UNC5C: variants seen among roughly 807,000 people sequenced by gnomAD.
The protein encoded by UNC5C is unc-5 netrin receptor C.
UNC5C carries 47 observed loss-of-function variants against 99.8 expected under a neutral mutation model. The ratio of observed to expected loss-of-function variants is 0.47; its 90% CI spans 0.37 to 0.60. The LOEUF (loss-of-function observed/expected upper bound fraction) is 0.60, where lower values mean the gene tolerates loss of function less well. Ranked by LOEUF, UNC5C falls within the 20% of genes least tolerant of loss-of-function variation. The pLI, the probability that UNC5C is intolerant of heterozygous loss-of-function variation, is 0.00. For missense variants in UNC5C, 1,062 were observed against 1,165.9 expected (o/e 0.91, Z 1.30); for synonymous variants, 487 against 452.2 (o/e 1.08, Z -0.98).
chr4:95,516,605 A>T (rs527610143), intron 1 of UNC5C, among the ~76,000 whole-genome samples: 1 of 152,266 alleles, frequency 6.6e-6, no homozygotes, highest in African/African-American at 2.4e-5. Flanking sequence ...TTCATAGTGG[A>T]CGCTGGAGCC....
At chr4:95,534,732 C>A (rs1226609959) in intron 1 of UNC5C, among the ~76,000 whole-genome samples, 1 of 152,074 alleles carries the variant, frequency 6.6e-6, no homozygotes, top group African/African-American at 2.4e-5. Flanking sequence ...TTATTAAATG[C>A]AATATGTGTC....
At chr4:95,481,390 C>A (rs1408526181) in intron 1 of UNC5C, among the ~76,000 whole-genome samples, 2 of 151,884 alleles carry the variant, frequency 1.3e-5, no homozygotes, top group Non-Finnish European at 2.9e-5. Flanking sequence ...ACATTCCATG[C>A]TCATGGGTAG....
chr4:95,236,084 G>A (rs906140171), intron 7 of UNC5C, among the ~76,000 whole-genome samples: 1 of 152,112 alleles, frequency 6.6e-6, no homozygotes, highest in African/African-American at 2.4e-5. Flanking sequence ...CCATTACTGG[G>A]TATATACCCA....
chr4:95,411,008 A>G (rs1745970728), intron 1 of UNC5C, among the ~76,000 whole-genome samples: 2 of 152,136 alleles, frequency 1.3e-5, no homozygotes, highest in African/African-American at 4.8e-5. Context: ...AAACTGGCAA[A>G]TGCTTGGTTT....
chr4:95,244,981 G>T lies in UNC5C; in HGVS notation c.939C>A (p.Cys313Ter). Residue 313 changes from cysteine (C) to a stop codon, truncating the protein, a stop_gained, in exon 6 of 16, where the codon TGC (cysteine) becomes TGA (stop). Coordinates refer to ENST00000453304, the MANE Select transcript of UNC5C (RefSeq NM_003728.4). LOFTEE classifies it high-confidence loss of function. ...TGAGAGGACTGGTTTATTTACCTGG[G>T]CATAACGTAGTACAGGCTATTTTCT... ...SVQKIACTTL[C>*]PVDGRWTPWS... 1 of 1,613,724 alleles carries T rather than the reference G, an allele frequency of 6.2e-7. No individual in the cohort carries two copies. Among genetic ancestry groups the T allele is most frequent in the Non-Finnish European group, 8.5e-7 (1 of 1,179,904 alleles).
intron 7 of UNC5C, among the ~76,000 whole-genome samples, chr4:95,229,668 G>A (rs941152803): frequency 1.3e-5 from 2 of 151,968 alleles, no homozygotes; most frequent in Non-Finnish European, 2.9e-5. Context: ...GGGTCAAATG[G>A]TATTTCTGGT....
At chr4:95,171,848 C>A (rs1391751895) in intron 14 of UNC5C, among the ~76,000 whole-genome samples, 1 of 151,952 alleles carries the variant, frequency 6.6e-6, no homozygotes, top group African/African-American at 2.4e-5. Flanking sequence ...AGTTTACAGT[C>A]CCACCAACAG....
chr4:95,302,248 C>T (rs1003924145), intron 2 of UNC5C, among the ~76,000 whole-genome samples: 1 of 152,142 alleles, frequency 6.6e-6, no homozygotes, highest in African/African-American at 2.4e-5. Context: ...CAGATACTAA[C>T]CTTTGTTAAC....
intron 1 of UNC5C, among the ~76,000 whole-genome samples, chr4:95,492,704 C>A (rs1263208035): frequency 2.6e-5 from 4 of 151,392 alleles, no homozygotes; most frequent in Admixed American, 2.0e-4. Context: ...AATGGAGAGG[C>A]CTGCTGTGAT....
intron 1 of UNC5C, among the ~76,000 whole-genome samples, chr4:95,347,503 A>C (rs1743820559): frequency 6.6e-6 from 1 of 152,162 alleles, no homozygotes; most frequent in Non-Finnish European, 1.5e-5. Flanking sequence ...CCTGATTTCA[A>C]ATTATACTAT....
At chr4:95,227,325 ATT>A (rs946722949) in intron 7 of UNC5C, among the ~76,000 whole-genome samples, 2 of 151,190 alleles carry the variant, frequency 1.3e-5, no homozygotes, top group Non-Finnish European at 2.9e-5. Context: ...TATTTAAAAA[ATT>A]TTTTTTGTAG....
In UNC5C at chr4:95,282,351, G is replaced by A. The variant is rs575999400; in HGVS notation, c.491-3989C>T. ...TGGTCTGGGAAGTTTAGGAGTGACC[G>A]GGAGCAGAAACCAAGTTGTGATGAG... On this transcript the variant is annotated intron_variant, in intron 3 of 15. Transcript: ENST00000453304. 6.6e-5 allele frequency among the ~76,000 whole-genome samples: 10 copies of A among 152,226 alleles called. No individual in the cohort carries two copies. In the East Asian group the frequency reaches 1.2e-3, roughly 18 times the overall value.
chr4:95,252,785 T>C (rs1326510845), intron 4 of UNC5C, among the ~76,000 whole-genome samples: 1 of 152,190 alleles, frequency 6.6e-6, no homozygotes. Context: ...ACACACAGTT[T>C]ATTCAGCATC....
chr4:95,381,041 G>C (rs1183023756), intron 1 of UNC5C, among the ~76,000 whole-genome samples: 1 of 152,094 alleles, frequency 6.6e-6, no homozygotes, highest in Non-Finnish European at 1.5e-5. Flanking sequence ...AACGTATTTA[G>C]GATTTAATAT....
intron 1 of UNC5C, among the ~76,000 whole-genome samples, chr4:95,442,206 T>A (rs1746968545): frequency 6.6e-6 from 1 of 151,934 alleles, no homozygotes; most frequent in South Asian, 2.1e-4. Context: ...TGTTTGTTTA[T>A]TTGTTTGTTT....
At chr4:95,211,987 T>C (rs954926795) in intron 10 of UNC5C, among the ~76,000 whole-genome samples, 2 of 152,202 alleles carry the variant, frequency 1.3e-5, no homozygotes, top group African/African-American at 4.8e-5. Flanking sequence ...GAAAGGACTC[T>C]ACTAAAAGGA....
chr4:95,533,520 G>A (rs115938736), intron 1 of UNC5C, among the ~76,000 whole-genome samples: 63 of 151,290 alleles, frequency 4.2e-4, no homozygotes, highest in Non-Finnish European at 7.4e-4. Context: ...ATATAACATC[G>A]TCAAATGTTT....
At chr4:95,423,200 G>A (rs752187914) in intron 1 of UNC5C, among the ~76,000 whole-genome samples, 4 of 152,258 alleles carry the variant, frequency 2.6e-5, no homozygotes, top group Non-Finnish European at 5.9e-5. Context: ...AATCATGTGA[G>A]TAGACTGACA....
intron 1 of UNC5C, among the ~76,000 whole-genome samples, chr4:95,460,383 G>T (rs547312275): frequency 6.6e-6 from 1 of 152,226 alleles, no homozygotes; most frequent in South Asian, 2.1e-4. Flanking sequence ...ACAGTGATGT[G>T]GTTTGGCTGT....
Sources: allele counts gnomAD v4.1 joint callset (sites outside exome capture counted in the v4.1 genomes callset), GRCh38; gene constraint gnomAD v4.1.1; transcripts MANE v1.5; gene names NCBI Gene and HGNC (gene_info 2026-07-23, HGNC 2026-07-21).